AGPAT4: variants seen among roughly 807,000 people sequenced by gnomAD.
AGPAT4 encodes 1-acyl-sn-glycerol-3-phosphate acyltransferase delta.
AGPAT4 carries 15 observed loss-of-function variants against 48.0 expected under a neutral mutation model. The observed-to-expected ratio is 0.31, with a 90% CI of 0.21 to 0.48. The LOEUF is 0.48. Among genes scored for constraint, AGPAT4 ranks in the 20% least tolerant of loss-of-function variants. AGPAT4 has a pLI of 0.99. For missense variants in AGPAT4, 314 were observed against 482.5 expected, an observed-to-expected ratio of 0.65 and a Z score of 3.27; for synonymous variants, 178 against 198.7, an observed-to-expected ratio of 0.90 and a Z score of 0.88.
intron 2 of AGPAT4, among the ~76,000 whole-genome samples, chr6:161,188,358 T>A (rs1034866467): frequency 3.9e-5 from 6 of 152,168 alleles, no homozygotes; most frequent in African/African-American, 1.4e-4. Context: ...ATGTATAAAT[T>A]GCACATTTTT....
chr6:161,190,162 T>C (rs143543459), intron 2 of AGPAT4, among the ~76,000 whole-genome samples: 13 of 152,304 alleles, frequency 8.5e-5, no homozygotes, highest in Admixed American at 2.6e-4. Flanking sequence ...ACGGGATTTT[T>C]ATGGCAGTGA....
rs1435166096 is a variant in AGPAT4 at position 161,133,633 on chromosome 6, A to C, written c.*2907T>G. ...TGGCTTTCCTGGAAGAAGTCCATTAAATTCCCTGCTTCTATAAGCTGCAGG... is the reference window on the plus strand; with the variant it reads ...TGGCTTTCCTGGAAGAAGTCCATTACATTCCCTGCTTCTATAAGCTGCAGG... On this transcript the variant is annotated 3_prime_UTR_variant, in exon 9 of 9. Transcript: ENST00000320285. 2 of 152,192 alleles carry C rather than the reference A, an allele frequency of 1.3e-5. No homozygotes were observed. The highest frequency in any genetic ancestry group is 4.8e-5 in the African/African-American group (2 of 41,426). The allele number at this position is 152,192 out of a possible 1,614,324, so 9.4% of individuals were successfully genotyped here.
chr6:161,192,142 CTTTTT>C (rs573872820), intron 2 of AGPAT4, among the ~76,000 whole-genome samples: 7 of 45,610 alleles, frequency 1.5e-4, no homozygotes, highest in African/African-American at 5.3e-4. Flanking sequence ...AGAAGTTATA[CTTTTT>C]TTTTTTTTTT....
chr6:161,207,398 G>A (rs1781404227), intron 2 of AGPAT4, among the ~76,000 whole-genome samples: 1 of 152,158 alleles, frequency 6.6e-6, no homozygotes, highest in Non-Finnish European at 1.5e-5. Context: ...AGGCTTTTTT[G>A]GGTACCAATT....
rs763661536 is a variant in AGPAT4 at position 161,270,738 on chromosome 6, C to G, written c.-90+3200G>C. Reference sequence around the variant, plus strand: ...GGGAGGTTGTGGTGAGCCGAGATCACGCCATTGCACTCCAGCCTGGGCGAC... The same window carrying G: ...GGGAGGTTGTGGTGAGCCGAGATCAGGCCATTGCACTCCAGCCTGGGCGAC... On this transcript the variant is annotated intron_variant, in intron 1 of 8. Transcript: ENST00000320285. The surrounding 1 kb of genome is among the most constrained non-coding windows in gnomAD (Gnocchi z 5.3). Among the ~76,000 whole-genome samples, 2 of 152,046 alleles carry G rather than the reference C, an allele frequency of 1.3e-5. No homozygotes were observed. The highest frequency in any genetic ancestry group is 2.9e-5 in the Non-Finnish European group (2 of 68,012).
intron 2 of AGPAT4, among the ~76,000 whole-genome samples, chr6:161,205,950 G>C (rs1037935349): frequency 6.6e-6 from 1 of 151,986 alleles, no homozygotes; most frequent in Non-Finnish European, 1.5e-5. Context: ...TAAAATAAAC[G>C]TAAGAGACTC....
chr6:161,153,139 C>T (rs1196382388), intron 5 of AGPAT4, among the ~76,000 whole-genome samples: 1 of 152,198 alleles, frequency 6.6e-6, no homozygotes, highest in Non-Finnish European at 1.5e-5. Flanking sequence ...AAAGCAGGCA[C>T]AGGCCCACCC....
Position 161,140,227 on chromosome 6 carries a change from G to A in AGPAT4, c.844-607C>T, listed in dbSNP as rs1027620481. On this transcript the variant is annotated intron_variant, in intron 7 of 8. Transcript: ENST00000320285. This position sits in a 1 kb window ranked among gnomAD's most constrained non-coding sequence, Gnocchi z 6.5. ...GCATCATGAATGACAAAGGGCTGGA[G>A]GGCTGCTGGGTGTGGCTCTCAGAGG... is the stretch of plus-strand genomic sequence containing the variant. Among the ~76,000 whole-genome samples the A allele has an allele frequency of 1.3e-5, 2 of 152,238 alleles. No homozygotes were observed. The highest frequency in any genetic ancestry group is 2.9e-5 in the Non-Finnish European group (2 of 68,046).
rs1328274075 is a variant in AGPAT4 at position 161,200,406 on chromosome 6, A to G, written c.178+31630T>C. Among the ~76,000 whole-genome samples, 1 of 152,226 alleles carries G rather than the reference A, an allele frequency of 6.6e-6. No homozygotes were observed. The highest frequency in any genetic ancestry group is 1.9e-4 in the East Asian group (1 of 5,194). ...CTGAATTCAGAGAGTTTTATCTTAA[A>G]TAACATGCCATTTTATCTCCAAATA... On this transcript the variant is annotated intron_variant, in intron 2 of 8. Coordinates refer to ENST00000320285, the MANE Select transcript of AGPAT4 (RefSeq NM_020133.3). This position sits in a 1 kb window ranked among gnomAD's most constrained non-coding sequence, Gnocchi z 5.5.
Position 161,219,916 on chromosome 6 carries a change from C to CAGGCAGGCGGCAGGCAGGCA in AGPAT4, c.178+12119_178+12120insTGCCTGCCTGCCGCCTGCCT, listed in dbSNP as rs770490075. The stretch of plus-strand genomic sequence containing the variant: ...GCAGGCAGGCAGGCAGGCAGGCAGG[C>CAGGCAGGCGGCAGGCAGGCA]GGCAGGCAGGCAGGCAGGCAGGCAG... On this transcript the variant is annotated intron_variant, in intron 2 of 8. Transcript: ENST00000320285. The surrounding 1 kb of genome is among the most constrained non-coding windows in gnomAD (Gnocchi z 4.9). Among the ~76,000 whole-genome samples, 50 of 106,030 alleles carry CAGGCAGGCGGCAGGCAGGCA rather than the reference C, an allele frequency of 4.7e-4. No individual in the cohort carries two copies. Among genetic ancestry groups the CAGGCAGGCGGCAGGCAGGCA allele is most frequent in the Admixed American group, 1.7e-3 (18 of 10,812 alleles). 69.6% of individuals were successfully genotyped at this position (106,030 alleles called of 152,430 possible). A position where few individuals can be genotyped will look rare whatever the true frequency, so the allele number is the denominator to read the frequency against.
chr6:161,270,173 G>A lies in AGPAT4; in HGVS notation c.-90+3765C>T, dbSNP rs1783382342. 6.6e-6 allele frequency among the ~76,000 whole-genome samples: 1 copy of A among 152,166 alleles called. No homozygotes were observed. Among genetic ancestry groups the A allele is most frequent in the African/African-American group, 2.4e-5 (1 of 41,452 alleles). On this transcript the variant is annotated intron_variant, in intron 1 of 8. Transcript: ENST00000320285. This position sits in a 1 kb window ranked among gnomAD's most constrained non-coding sequence, Gnocchi z 5.3. ...TAAACTGTATCTTGTTTTGCTCACA[G>A]TTGCATCTGTGGGACCTGACACCTA...
rs566823817 is a variant in AGPAT4, at chr6:161,245,311, G to A, written c.-89-13009C>T. On this transcript the variant is annotated intron_variant, in intron 1 of 8. Transcript: ENST00000320285. The surrounding 1 kb of genome is among the most constrained non-coding windows in gnomAD (Gnocchi z 5.2). ...CACGCCGGCCCCACAGGGGTGATGGGAGACTTCAGGAGGTGATGGATGTGG... is the reference window on the plus strand; with the variant it reads ...CACGCCGGCCCCACAGGGGTGATGGAAGACTTCAGGAGGTGATGGATGTGG... Among the ~76,000 whole-genome samples, 1 of 152,338 alleles carries A rather than the reference G, an allele frequency of 6.6e-6. No homozygotes were observed. Among genetic ancestry groups the A allele is most frequent in the East Asian group, 1.9e-4 (1 of 5,180 alleles).
In AGPAT4 at chr6:161,217,394, G is replaced by A. The variant is rs1220357230; in HGVS notation, c.178+14642C>T. Among the ~76,000 whole-genome samples the A allele has an allele frequency of 1.3e-5, 2 of 152,206 alleles. No homozygotes were observed. Among genetic ancestry groups the A allele is most frequent in the African/African-American group, 4.8e-5 (2 of 41,460 alleles). The stretch of plus-strand genomic sequence containing the variant: ...AAAGCCTTATGGTGTGTCAGATGGA[G>A]GACGCATTGGGAGAGGCTGTGGTGG... On this transcript the variant is annotated intron_variant, in intron 2 of 8. Transcript: ENST00000320285. This position sits in a 1 kb window ranked among gnomAD's most constrained non-coding sequence, Gnocchi z 4.9.
intron 1 of AGPAT4, among the ~76,000 whole-genome samples, chr6:161,258,984 G>A (rs1441067382): frequency 6.6e-6 from 1 of 151,692 alleles, no homozygotes; most frequent in Admixed American, 6.6e-5. Context: ...TTTTAGTAGA[G>A]ACAGGGTTTC....
In AGPAT4 at chr6:161,208,984, T is replaced by A. The variant is rs931605888; in HGVS notation, c.178+23052A>T. Among the ~76,000 whole-genome samples the A allele has an allele frequency of 1.3e-5, 2 of 152,168 alleles. No individual in the cohort carries two copies. Among genetic ancestry groups the A allele is most frequent in the Non-Finnish European group, 2.9e-5 (2 of 68,022 alleles). On this transcript the variant is annotated intron_variant, in intron 2 of 8. Transcript: ENST00000320285. The surrounding 1 kb of genome is among the most constrained non-coding windows in gnomAD (Gnocchi z 4.6). The stretch of plus-strand genomic sequence containing the variant: ...ACGGCAATCATGACCTTGTGTTAAT[T>A]ACTGGGGAAGAAAACGCACATCGAA...
chr6:161,142,751 C>T lies in AGPAT4; in HGVS notation c.844-3131G>A, dbSNP rs187575130. 7.9e-5 allele frequency among the ~76,000 whole-genome samples: 12 copies of T among 152,248 alleles called. No homozygotes were observed. The East Asian group carries it at 1.4e-3, about 17-fold the overall frequency. On this transcript the variant is annotated intron_variant, in intron 7 of 8. Transcript: ENST00000320285. The surrounding 1 kb of genome is among the most constrained non-coding windows in gnomAD (Gnocchi z 6.4). ...GCTCCTCTTAGTCAGCAAGTCTGGGCGGGGAGAGGCTCTGTGAGAAGCGCT... is the reference window on the plus strand; with the variant it reads ...GCTCCTCTTAGTCAGCAAGTCTGGGTGGGGAGAGGCTCTGTGAGAAGCGCT...
Position 161,146,684 on chromosome 6 carries a change from G to A in AGPAT4, c.768-85C>T. 1.5e-6 allele frequency: 2 copies of A among 1,309,120 alleles called. No individual in the cohort carries two copies. Among genetic ancestry groups the A allele is most frequent in the South Asian group, 1.2e-5 (1 of 81,660 alleles). 81.1% of individuals were successfully genotyped at this position (1,309,120 alleles called of 1,614,324 possible). A position where few individuals can be genotyped will look rare whatever the true frequency, so the allele number is the denominator to read the frequency against. On this transcript the variant is annotated intron_variant, in intron 6 of 8. Coordinates refer to ENST00000320285, the MANE Select transcript of AGPAT4 (RefSeq NM_020133.3). This position sits in a 1 kb window ranked among gnomAD's most constrained non-coding sequence, Gnocchi z 7.1. ...TCCAGTAACGGTGCTGCCGTTTTTTGTTTTTATCTGGGTCACCTAAATAAT... is the reference window on the plus strand; with the variant it reads ...TCCAGTAACGGTGCTGCCGTTTTTTATTTTTATCTGGGTCACCTAAATAAT...
rs1271564486 is a variant in AGPAT4, at chr6:161,161,394, T to C, written c.348+4854A>G. On this transcript the variant is annotated intron_variant, in intron 3 of 8. Coordinates refer to ENST00000320285, the MANE Select transcript of AGPAT4 (RefSeq NM_020133.3). The surrounding 1 kb of genome is among the most constrained non-coding windows in gnomAD (Gnocchi z 4.6). ...TCACCATTATCGGGTTCCTCATCCA[T>C]GTGATTCCAGATCCCAGCACACTTG... 1 of 456,714 alleles carries C rather than the reference T, an allele frequency of 2.2e-6. No homozygotes were observed. The highest frequency in any genetic ancestry group is 4.4e-6 in the Non-Finnish European group (1 of 226,974). 28.3% of individuals were successfully genotyped at this position (456,714 alleles called of 1,614,324 possible).
Position 161,219,831 on chromosome 6 carries a change from A to ATAGATATAGATAGATAGATAGG in AGPAT4, c.178+12204_178+12205insCCTATCTATCTATCTATATCTA, listed in dbSNP as rs1173251604. 5.8e-4 allele frequency among the ~76,000 whole-genome samples: 56 copies of ATAGATATAGATAGATAGATAGG among 96,720 alleles called. No homozygotes were observed. The highest frequency in any genetic ancestry group is 4.3e-3 in the Middle Eastern group (1 of 230). The allele number at this position is 96,720 out of a possible 152,430, so 63.5% of individuals were successfully genotyped here. A position where few individuals can be genotyped will look rare whatever the true frequency, so the allele number is the denominator to read the frequency against. Reference sequence around the variant, plus strand: ...CAGTAAAAAAGATAGACAGAGATAGATAGATAGATAGATAGATAGATAGAT... The same window carrying ATAGATATAGATAGATAGATAGG: ...CAGTAAAAAAGATAGACAGAGATAGATAGATATAGATAGATAGATAGGTAGATAGATAGATAGATAGATAGAT... On this transcript the variant is annotated intron_variant, in intron 2 of 8. Coordinates refer to ENST00000320285, the MANE Select transcript of AGPAT4 (RefSeq NM_020133.3). The surrounding 1 kb of genome is among the most constrained non-coding windows in gnomAD (Gnocchi z 4.9).
Sources: allele counts gnomAD v4.1 joint callset (sites outside exome capture counted in the v4.1 genomes callset), GRCh38; gene constraint gnomAD v4.1.1; non-coding constraint Gnocchi (gnomAD v3.1); transcripts MANE v1.5; gene names NCBI Gene and HGNC (gene_info 2026-07-23, HGNC 2026-07-21).